MYOF: variants seen among roughly 807,000 people sequenced by gnomAD.
The protein encoded by MYOF is myoferlin, also known as fer-1-like 3, myoferlin.
A neutral mutation model predicts 284.2 loss-of-function variants in MYOF; 244 were observed. The ratio of observed to expected loss-of-function variants is 0.86; its 90% CI spans 0.77 to 0.95. The LOEUF is 0.95. Ranked by LOEUF, MYOF falls within the 40% of genes least tolerant of loss-of-function variation. The pLI is 0.00. For missense variants in MYOF, 2,496 were observed against 2,560.6 expected (o/e 0.97, Z 0.54); for synonymous variants, 904 against 919.7 (o/e 0.98, Z 0.31).
At chr10:93,355,521 A>G in intron 31 of MYOF, 107 bp downstream of exon 31, 1 of 770,886 alleles carries the variant, frequency 1.3e-6, no homozygotes. Flanking sequence ...GGGAGGTTGC[A>G]GCGAGCCAAG....
At chr10:93,332,617 G>A (rs1342143243) in intron 43 of MYOF, among the ~76,000 whole-genome samples, 6 of 151,818 alleles carry the variant, frequency 4.0e-5, no homozygotes, top group Admixed American at 1.3e-4. Context: ...AGGGCGAGGC[G>A]GGCAGATCAC....
intron 23 of MYOF, 69 bp downstream of exon 23, chr10:93,374,694 A>C: frequency 6.8e-7 from 1 of 1,476,160 alleles, no homozygotes. Context: ...CCACCATCCT[A>C]TTCTTGGTGC....
chr10:93,411,577 C>T (rs2134134519), intron 5 of MYOF, among the ~76,000 whole-genome samples: 1 of 152,252 alleles, frequency 6.6e-6, no homozygotes, highest in South Asian at 2.1e-4. Context: ...CTGGAACCAG[C>T]TATGGGGGGT....
chr10:93,408,650 G>GT, intron 7 of MYOF, 137 bp downstream of exon 7: 1 of 1,179,638 alleles, frequency 8.5e-7, no homozygotes, highest in African/African-American at 1.5e-5. Context: ...CCTGCCATGC[G>GT]TTCACATGGT....
rs557507434 is a variant in MYOF at position 93,432,351 on chromosome 10, G to A, written c.237-835C>T. On this transcript the variant is annotated intron_variant, in intron 3 of 53. Transcript: ENST00000359263. ...TGCAGTGAGCTATGATTGTATCACT[G>A]TACCCAGGCTGGGCGACAGAGTGAG... Among the ~76,000 whole-genome samples the A allele has an allele frequency of 3.3e-5, 5 of 151,928 alleles. No homozygotes were observed. The South Asian group carries it at 1.0e-3, about 32-fold the overall frequency.
chr10:93,452,166 AAG>A (rs2056610034), intron 2 of MYOF, 25 bp from the exon 3 acceptor site: 2 of 1,521,620 alleles, frequency 1.3e-6, no homozygotes, highest in Non-Finnish European at 1.8e-6. Context: ...GTTTTGAAAA[AAG>A]AGAAAAAAAA....
chr10:93,316,788 G>C lies in MYOF; in HGVS notation c.5624C>G (p.Thr1875Arg). Residue 1875 changes from threonine to arginine, a missense_variant, in exon 50 of 54, where the codon ACG (threonine) becomes AGG (arginine). Physicochemically the swap from Thr to Arg is moderately conservative, Grantham distance 71. Coordinates refer to ENST00000359263, the MANE Select transcript of MYOF (RefSeq NM_013451.4). ...CAGCCTGGGTGGGATTCGAAATTCC[G>C]TTTGGTCAATACTCCAGAAATGCTC... ...KKEHFWSIDQ[T>R]EFRIPPRLII... is the part of the protein sequence containing the mutation. The C allele has an allele frequency of 6.2e-7, 1 of 1,613,628 alleles. No homozygotes were observed. Among genetic ancestry groups the C allele is most frequent in the Non-Finnish European group, 8.5e-7 (1 of 1,179,738 alleles).
At position 93,402,306 on chromosome 10, in the gene MYOF, C is replaced by T; in HGVS notation, c.916G>A (p.Glu306Lys). 1 of 1,614,060 alleles carries T rather than the reference C, an allele frequency of 6.2e-7. No homozygotes were observed. The highest frequency in any genetic ancestry group is 2.2e-5 in the East Asian group (1 of 44,884). ...CCTTTAGAACCTGAACTGGTATCTT[C>T]CGGGTCATTGAGAAGAAGCCACTTT... ...MRKWLLLNDPEDTSSGSKGYM... is the reference protein window; with the variant it reads ...MRKWLLLNDPKDTSSGSKGYM... The change falls in exon 11 of 54, where the codon GAA (glutamate) becomes AAA (lysine). Residue 306 changes from glutamate (E) to lysine (K), a missense_variant. Glu to Lys is a moderately conservative substitution (Grantham distance 56). This residue lies in a region of MYOF where 2,436 missense variants were observed against 2,480.7 expected (regional missense o/e 0.98). Coordinates refer to ENST00000359263, the MANE Select transcript of MYOF (RefSeq NM_013451.4).
chr10:93,322,247 GTCTTA>G (rs1289380421), intron 48 of MYOF, among the ~76,000 whole-genome samples: 2 of 152,296 alleles, frequency 1.3e-5, no homozygotes, highest in Admixed American at 1.3e-4. Context: ...AATGTCGCAA[GTCTTA>G]TCTTTCATGT....
chr10:93,429,389 T>G (rs1299821043), intron 4 of MYOF, among the ~76,000 whole-genome samples: 1 of 152,180 alleles, frequency 6.6e-6, no homozygotes, highest in Non-Finnish European at 1.5e-5. Flanking sequence ...CCTCAGGTAT[T>G]CCTTTATAGC....
rs770938746 is a variant in MYOF at position 93,377,444 on chromosome 10, A to G, written c.2002-15T>C. On this transcript the variant is annotated splice_polypyrimidine_tract_variant and intron_variant, in intron 21 of 53. Transcript: ENST00000359263. ...ATATTTGTTTGCTGAAGAATTTGAA[A>G]AGAGAGGAAATAATTGATAATTGTT... 1.3e-6 allele frequency: 2 copies of G among 1,555,506 alleles called. No homozygotes were observed. The highest frequency in any genetic ancestry group is 1.1e-5 in the South Asian group (1 of 89,678).
intron 8 of MYOF, 24 bp downstream of exon 8, chr10:93,404,133 A>C (rs1333070556): frequency 6.2e-7 from 1 of 1,613,700 alleles, no homozygotes; most frequent in Admixed American, 1.7e-5. Context: ...AGTGAGCAGT[A>C]CCTTCCTACT....
chr10:93,309,506 T>C (rs530544852), intron 53 of MYOF, among the ~76,000 whole-genome samples: 1 of 151,942 alleles, frequency 6.6e-6, no homozygotes, highest in East Asian at 1.9e-4. Flanking sequence ...GATAGATAAA[T>C]GTGGACAGAG....
intron 50 of MYOF, among the ~76,000 whole-genome samples, chr10:93,314,416 G>A (rs900566392): frequency 2.0e-5 from 3 of 152,154 alleles, no homozygotes; most frequent in Non-Finnish European, 4.4e-5. Flanking sequence ...CCACTTCCAC[G>A]GTAAGGGAAA....
chr10:93,449,844 C>A (rs1191887331), intron 3 of MYOF, among the ~76,000 whole-genome samples: 2 of 152,078 alleles, frequency 1.3e-5, no homozygotes, highest in African/African-American at 4.8e-5. Flanking sequence ...CGGTCAGCAA[C>A]AGAGAATGGT....
intron 45 of MYOF, 64 bp from the exon 46 acceptor site, chr10:93,326,029 A>G: frequency 8.1e-6 from 13 of 1,601,186 alleles, no homozygotes; most frequent in Non-Finnish European, 1.1e-5. Flanking sequence ...CAGATTGCCT[A>G]GAGCTGCTTC....
In MYOF at chr10:93,444,750, G is replaced by A. The variant is rs558693081; in HGVS notation, c.236+7300C>T. Among the ~76,000 whole-genome samples, 18 of 152,314 alleles carry A rather than the reference G, an allele frequency of 1.2e-4. No individual in the cohort carries two copies. In the South Asian group the frequency reaches 2.7e-3, roughly 23 times the overall value. On this transcript the variant is annotated intron_variant, in intron 3 of 53. Coordinates refer to ENST00000359263, the MANE Select transcript of MYOF (RefSeq NM_013451.4). ...TTTTCTCCTGGGCATGTGTGTCCAC[G>A]TGTGCATACACACAGACACACAAAT...
intron 25 of MYOF, among the ~76,000 whole-genome samples, chr10:93,367,688 G>A (rs1332355538): frequency 6.6e-6 from 1 of 152,082 alleles, no homozygotes; most frequent in African/African-American, 2.4e-5. Context: ...CAGCAGCAGT[G>A]GAGATGGGAG....
intron 46 of MYOF, chr10:93,323,718 CGT>C: frequency 4.5e-6 from 1 of 221,768 alleles, no homozygotes; most frequent in Non-Finnish European, 8.9e-6. Context: ...CACACACGCG[CGT>C]GCGCGCACAT....
Sources: gnomAD v4.1 joint callset for allele counts (sites outside exome capture counted in the v4.1 genomes callset) on GRCh38, gnomAD v4.1.1 for gene constraint, gnomAD v4.1.1 regional missense constraint, MANE v1.5 for transcripts, NCBI Gene and HGNC (gene_info 2026-07-23, HGNC 2026-07-21) for gene names.